The following PCDHA12 variants were observed in gnomAD, a reference collection of about 807,000 sequenced individuals.
The protein encoded by PCDHA12 is protocadherin alpha 12.
In PCDHA12, 44 loss-of-function variants were observed where a neutral mutation model predicts 60.0. The ratio of observed to expected loss-of-function variants is 0.73; its 90% CI spans 0.58 to 0.94. The LOEUF is 0.94. Among genes scored for constraint, PCDHA12 ranks in the 40% least tolerant of loss-of-function variants. PCDHA12 has a pLI of 0.00. For synonymous variants in PCDHA12, 569 were observed against 553.0 expected (o/e 1.03, Z -0.40); for missense variants, 1,276 against 1,239.7 (o/e 1.03, Z -0.44).
At chr5:140,917,815 G>T (rs554230002) in intron 1 of PCDHA12, among the ~76,000 whole-genome samples, 1 of 152,018 alleles carries the variant, frequency 6.6e-6, no homozygotes, top group South Asian at 2.1e-4. Context: ...TATAGTTGAA[G>T]TTGGGTAGTG....
intron 1 of PCDHA12, among the ~76,000 whole-genome samples, chr5:140,978,488 C>A (rs1453613410): frequency 6.6e-6 from 1 of 152,224 alleles, no homozygotes; most frequent in African/African-American, 2.4e-5. Context: ...TCTGCAAAGC[C>A]AGCAGCAGAT....
chr5:140,882,161 T>C (rs1235221234), intron 1 of PCDHA12: 1 of 1,509,194 alleles, frequency 6.6e-7, no homozygotes, highest in African/African-American at 1.4e-5. Flanking sequence ...GGAATACCTC[T>C]TGCGAATCCT....
intron 1 of PCDHA12, chr5:140,967,975 T>C (rs781819149): frequency 3.2e-5 from 52 of 1,614,016 alleles, no homozygotes; most frequent in African/African-American, 5.3e-5. Context: ...TGAGCCTGGG[T>C]CTGGAGGCCA....
chr5:140,890,238 C>T (rs2062554718), intron 1 of PCDHA12, among the ~76,000 whole-genome samples: 1 of 152,034 alleles, frequency 6.6e-6, no homozygotes, highest in African/African-American at 2.4e-5. Flanking sequence ...TAAGCATTTA[C>T]CAGTACACTA....
chr5:140,907,083 G>T (rs770380704), intron 1 of PCDHA12, among the ~76,000 whole-genome samples: 56 of 152,144 alleles, frequency 3.7e-4, no homozygotes, highest in Non-Finnish European at 7.1e-4. Context: ...AGGGGTGATG[G>T]TAAGTGGTGC....
chr5:140,915,458 G>T (rs1172885235), intron 1 of PCDHA12, among the ~76,000 whole-genome samples: 11 of 152,126 alleles, frequency 7.2e-5, no homozygotes, highest in African/African-American at 2.2e-4. Flanking sequence ...TTTCCAGAAG[G>T]TTTTTATTTG....
rs1459624657 is a variant in PCDHA12, at chr5:140,875,410, A to G, written c.-63A>G. 3 of 1,502,000 alleles carry G rather than the reference A, an allele frequency of 2.0e-6. No individual in the cohort carries two copies. Among genetic ancestry groups the G allele is most frequent in the African/African-American group, 1.4e-5 (1 of 71,174 alleles). The allele number at this position is 1,502,000 out of a possible 1,614,324, so 93.0% of individuals were successfully genotyped here. ...ACAGAAAAGGGTGACTGCTCATAAA[A>G]TACCTCAGGCAAGCGATCCCTTAAA... On this transcript the variant is annotated 5_prime_UTR_variant, in exon 1 of 4. Transcript: ENST00000398631.
At chr5:140,967,219 C>A (rs782211026) in intron 1 of PCDHA12, 2 of 1,613,772 alleles carry the variant, frequency 1.2e-6, no homozygotes, top group East Asian at 2.2e-5. Context: ...TCCCGCGGCC[C>A]AACTACCAGC....
chr5:140,878,252 C>T (rs1250494755), intron 1 of PCDHA12, among the ~76,000 whole-genome samples: 26 of 152,184 alleles, frequency 1.7e-4, no homozygotes, highest in African/African-American at 3.1e-4. Context: ...CTCTTCCTCA[C>T]GTGCTTAGGC....
At chr5:140,924,670 C>A (rs2081947196) in intron 1 of PCDHA12, among the ~76,000 whole-genome samples, 1 of 151,926 alleles carries the variant, frequency 6.6e-6, no homozygotes, top group African/African-American at 2.4e-5. Flanking sequence ...CGAGGCAGGC[C>A]AATCACTTGA....
intron 3 of PCDHA12, among the ~76,000 whole-genome samples, chr5:140,995,889 A>G (rs1007675217): frequency 1.3e-5 from 2 of 152,202 alleles, no homozygotes; most frequent in African/African-American, 4.8e-5. Context: ...CTTCAGATTT[A>G]TCAATGTATA....
In PCDHA12 at chr5:140,993,462, T is replaced by C. The variant is rs540334246; in HGVS notation, c.2515+10899T>C. ...CATTCCTGTTCTCCTTCTTTCTTTCTCACACACACACACACACACACACAC... is the reference window on the plus strand; with the variant it reads ...CATTCCTGTTCTCCTTCTTTCTTTCCCACACACACACACACACACACACAC... On this transcript the variant is annotated intron_variant, in intron 3 of 3. Transcript: ENST00000398631. Among the ~76,000 whole-genome samples the C allele has an allele frequency of 4.2e-3, 597 of 141,044 alleles. 4 individuals are homozygous for C. Among genetic ancestry groups the C allele is most frequent in the African/African-American group, 0.015 (577 of 37,966 alleles). 92.5% of individuals were successfully genotyped at this position (141,044 alleles called of 152,430 possible).
At chr5:140,879,757 C>T (rs1312451493) in intron 1 of PCDHA12, among the ~76,000 whole-genome samples, 1 of 152,212 alleles carries the variant, frequency 6.6e-6, no homozygotes, top group African/African-American at 2.4e-5. Context: ...GCTATACTCT[C>T]TTTGGAGGCC....
In PCDHA12 at chr5:140,938,797, G is replaced by T. The variant is rs76361474; in HGVS notation, c.2368-40152G>T. On this transcript the variant is annotated intron_variant, in intron 1 of 3. Coordinates refer to ENST00000398631, the MANE Select transcript of PCDHA12 (RefSeq NM_018903.4). Reference sequence around the variant, plus strand: ...TTAGTACCTGAATGATGAAATAATCGGTACCACAAACCCCTGTGACATGAG... The same window carrying T: ...TTAGTACCTGAATGATGAAATAATCTGTACCACAAACCCCTGTGACATGAG... Among the ~76,000 whole-genome samples, 827 of 152,042 alleles carry T rather than the reference G, an allele frequency of 5.4e-3. 3 individuals carry two copies. Among genetic ancestry groups the T allele is most frequent in the African/African-American group, 0.019 (796 of 41,444 alleles).
chr5:140,993,850 G>A (rs1187946683), intron 3 of PCDHA12, among the ~76,000 whole-genome samples: 2 of 152,144 alleles, frequency 1.3e-5, no homozygotes, highest in African/African-American at 4.8e-5. Context: ...TATGTAGTAG[G>A]CTATGCCATC....
chr5:140,927,078 C>T, intron 1 of PCDHA12: 1 of 1,611,014 alleles, frequency 6.2e-7, no homozygotes, highest in Non-Finnish European at 8.5e-7. Context: ...CCAGCCACCG[C>T]GAGCTCTACT....
At chr5:140,883,830 A>G in intron 1 of PCDHA12, 5 of 1,612,532 alleles carry the variant, frequency 3.1e-6, no homozygotes, top group Non-Finnish European at 4.2e-6. Context: ...TACGCGCTGC[A>G]GCCGTTGGAC....
intron 3 of PCDHA12, among the ~76,000 whole-genome samples, chr5:141,006,560 C>G (rs1179730864): frequency 2.0e-5 from 3 of 152,084 alleles, no homozygotes; most frequent in Non-Finnish European, 4.4e-5. Flanking sequence ...AAAGATGACT[C>G]TGGCTACTGT....
At chr5:140,967,652 T>A in intron 1 of PCDHA12, 1 of 1,614,152 alleles carries the variant, frequency 6.2e-7, no homozygotes, top group South Asian at 1.1e-5. Flanking sequence ...CAGGTACTCC[T>A]TGAGCAGCTA....
Sources: allele counts gnomAD v4.1 joint callset (sites outside exome capture counted in the v4.1 genomes callset), GRCh38; gene constraint gnomAD v4.1.1; transcripts MANE v1.5; gene names NCBI Gene and HGNC (gene_info 2026-07-23, HGNC 2026-07-21).